The following STRN variants were observed in gnomAD, a reference collection of about 807,000 sequenced individuals.
The protein encoded by STRN is protein phosphatase 2 regulatory subunit B'''alpha.
STRN carries 53 observed loss-of-function variants against 96.3 expected under a neutral mutation model. The observed-to-expected ratio is 0.55, with a 90% confidence interval of 0.44 to 0.69. STRN has a LOEUF of 0.69. STRN is among the 30% of genes least tolerant of loss of function. The probability of loss-of-function intolerance (pLI) is 0.00; values close to 1 mark genes in which losing one functional copy is unlikely to be tolerated. For missense variants in STRN, 987 were observed against 963.9 expected (o/e 1.02, Z -0.32); for synonymous variants, 428 against 355.9 (o/e 1.20, Z -2.28).
chr2:36,866,552 G>C lies in STRN; in HGVS notation c.1547+1262C>G, dbSNP rs1668631749. Among the ~76,000 whole-genome samples the C allele has an allele frequency of 2.6e-5, 4 of 152,082 alleles. No individual in the cohort carries two copies. The South Asian group carries it at 8.3e-4, about 32-fold the overall frequency. On this transcript the variant is annotated intron_variant, in intron 12 of 17. Coordinates refer to ENST00000263918, the MANE Select transcript of STRN (RefSeq NM_003162.4). ...GGAGAGTTCTGTAGATACATGTTAG[G>C]TCCATTTGGTCAAGCATCAAGTTCA...
chr2:36,857,707 G>A (rs1194887567), intron 14 of STRN, 149 bp downstream of exon 14: 1 of 631,592 alleles, frequency 1.6e-6, no homozygotes, highest in Admixed American at 3.3e-5. Context: ...ATTATATATA[G>A]GTTGGAAATT....
chr2:36,861,657 C>T (rs1271018944), intron 12 of STRN, among the ~76,000 whole-genome samples: 1 of 152,062 alleles, frequency 6.6e-6, no homozygotes. Context: ...ATGCCAATCT[C>T]TGTGCTAAAT....
At chr2:36,859,499 T>C (rs1197645290) in intron 13 of STRN, among the ~76,000 whole-genome samples, 1 of 152,060 alleles carries the variant, frequency 6.6e-6, no homozygotes, top group Non-Finnish European at 1.5e-5. Context: ...AAAAAGAATA[T>C]ACGAGAGAAG....
rs1026155476 is a variant in STRN at position 36,849,071 on chromosome 2, G to A, written c.*385C>T. 1.8e-5 allele frequency: 3 copies of A among 169,062 alleles called. No individual in the cohort carries two copies. Among genetic ancestry groups the A allele is most frequent in the Admixed American group, 5.7e-5 (1 of 17,570 alleles). 10.5% of individuals were successfully genotyped at this position (169,062 alleles called of 1,614,324 possible). ...GGGGAGAACTTGGTCTAAGTTTCCC[G>A]TTTTCTTCTATTCAGTCCCAGCTAT... is the stretch of plus-strand genomic sequence containing the variant. On this transcript the variant is annotated 3_prime_UTR_variant, in exon 18 of 18. Transcript: ENST00000263918.
intron 1 of STRN, among the ~76,000 whole-genome samples, chr2:36,951,888 C>T (rs1007144701): frequency 1.3e-5 from 2 of 152,212 alleles, no homozygotes; most frequent in African/African-American, 2.4e-5. Context: ...CAGCATTACC[C>T]GCTGAGCTCC....
At chr2:36,950,971 A>G (rs1049650109) in intron 1 of STRN, among the ~76,000 whole-genome samples, 10 of 152,334 alleles carry the variant, frequency 6.6e-5, no homozygotes, top group African/African-American at 2.2e-4. Flanking sequence ...TTTAAATATC[A>G]TAAGATATTG....
At chr2:36,918,474 G>C (rs1244512606) in intron 2 of STRN, among the ~76,000 whole-genome samples, 3 of 151,622 alleles carry the variant, frequency 2.0e-5, no homozygotes, top group Non-Finnish European at 2.9e-5. Flanking sequence ...ATATATAAAA[G>C]AAAAACATTT....
intron 1 of STRN, among the ~76,000 whole-genome samples, chr2:36,926,666 T>C (rs1670418889): frequency 6.6e-6 from 1 of 152,172 alleles, no homozygotes; most frequent in Non-Finnish European, 1.5e-5. Context: ...GTAGGTAGTT[T>C]GTTAGGCTTT....
chr2:36,879,988 A>G (rs1254246846), intron 9 of STRN, among the ~76,000 whole-genome samples: 1 of 151,332 alleles, frequency 6.6e-6, no homozygotes, highest in East Asian at 1.9e-4. Context: ...AAAATCTGAG[A>G]CGGGGTCTCA....
At chr2:36,861,096 A>T (rs776250348) in intron 13 of STRN, 36 bp downstream of exon 13, 4 of 1,601,008 alleles carry the variant, frequency 2.5e-6, no homozygotes, top group Non-Finnish European at 3.4e-6. Context: ...TTAAAAAACC[A>T]ATTTTATTCC....
rs1425864525 is a variant in STRN, at chr2:36,843,624, A to C, written c.*5832T>G. ...ATCAGTAATTAAGACTGGTTCATTA[A>C]TTTTGGACTCATGTATACTTTGTCT... On this transcript the variant is annotated 3_prime_UTR_variant, in exon 18 of 18. Coordinates refer to ENST00000263918, the MANE Select transcript of STRN (RefSeq NM_003162.4). The C allele has an allele frequency of 6.6e-6, 1 of 151,980 alleles. No homozygotes were observed. The highest frequency in any genetic ancestry group is 1.5e-5 in the Non-Finnish European group (1 of 67,986). The allele number at this position is 151,980 out of a possible 1,614,324, so 9.4% of individuals were successfully genotyped here. A position where few individuals can be genotyped will look rare whatever the true frequency, so the allele number is the denominator to read the frequency against.
Position 36,864,598 on chromosome 2 carries a change from A to T in STRN, c.1547+3216T>A, listed in dbSNP as rs150490325. On this transcript the variant is annotated intron_variant, in intron 12 of 17. Transcript: ENST00000263918. ...ATTTTTGCATCTATGTTCATCAAGG[A>T]TATTGGCCTGAAGTTTTCCTTTCTG... is the stretch of plus-strand genomic sequence containing the variant. Among the ~76,000 whole-genome samples, 88 of 152,264 alleles carry T rather than the reference A, an allele frequency of 5.8e-4. 1 individual carries two copies. The East Asian group carries it at 8.7e-3, about 15-fold the overall frequency.
rs140583351 is a variant in STRN at position 36,903,758 on chromosome 2, G to T, written c.492-1007C>A. Among the ~76,000 whole-genome samples the T allele has an allele frequency of 5.9e-5, 9 of 152,262 alleles. No individual in the cohort carries two copies. In the East Asian group the frequency reaches 1.7e-3, roughly 29 times the overall value. ...TAAGTGTATCTTACCAAATCAAGAT[G>T]CTCATTTTTCAATCCCATCCAATAT... On this transcript the variant is annotated intron_variant, in intron 4 of 17. Coordinates refer to ENST00000263918, the MANE Select transcript of STRN (RefSeq NM_003162.4).
At chr2:36,881,420 ACTGCACC>A (rs1443395809) in intron 9 of STRN, among the ~76,000 whole-genome samples, 4 of 151,994 alleles carry the variant, frequency 2.6e-5, no homozygotes, top group East Asian at 1.9e-4. Flanking sequence ...GAGCAACTAA[ACTGCACC>A]CGGCCCTGCC....
chr2:36,853,048 T>C (rs1668259100), intron 15 of STRN, among the ~76,000 whole-genome samples: 1 of 152,080 alleles, frequency 6.6e-6, no homozygotes, highest in African/African-American at 2.4e-5. Flanking sequence ...TCCCAGCTAC[T>C]TGGGAGGCTG....
At chr2:36,942,703 T>C (rs1019914822) in intron 1 of STRN, among the ~76,000 whole-genome samples, 2 of 151,904 alleles carry the variant, frequency 1.3e-5, no homozygotes, top group African/African-American at 4.9e-5. Context: ...CATCAATTTT[T>C]CTTTTTTTTT....
In STRN at chr2:36,884,063, G is replaced by A; in HGVS notation, c.1055C>T (p.Ser352Leu). ...ATTAGCAAGCATATCTTGTAGTTTT[G>A]ACCTATTGGGCCCTAGCCAAAAAAA... ...GKKGVKRPNRSKLQDMLANLR... is the reference protein window; with the variant it reads ...GKKGVKRPNRLKLQDMLANLR... The change falls in exon 9 of 18, where the codon TCA becomes TTA. Residue 352 changes from serine to leucine, a missense_variant. Ser to Leu is a moderately radical substitution (Grantham distance 145). Transcript: ENST00000263918. 1 of 1,363,940 alleles carries A rather than the reference G, an allele frequency of 7.3e-7. No homozygotes were observed. Among genetic ancestry groups the A allele is most frequent in the Non-Finnish European group, 9.5e-7 (1 of 1,049,674 alleles). The allele number at this position is 1,363,940 out of a possible 1,614,324, so 84.5% of individuals were successfully genotyped here.
At chr2:36,863,254 G>A (rs1668539616) in intron 12 of STRN, among the ~76,000 whole-genome samples, 1 of 151,734 alleles carries the variant, frequency 6.6e-6, no homozygotes, top group Non-Finnish European at 1.5e-5. Flanking sequence ...TCTTTGCCAG[G>A]GCATATGTCT....
intron 12 of STRN, among the ~76,000 whole-genome samples, chr2:36,862,766 G>C (rs1483183146): frequency 1.3e-5 from 2 of 149,906 alleles, no homozygotes; most frequent in East Asian, 3.9e-4. Context: ...ATGGAGTCTC[G>C]CTCTGTCACC....
Sources: allele counts gnomAD v4.1 joint callset (sites outside exome capture counted in the v4.1 genomes callset), GRCh38; gene constraint gnomAD v4.1.1; transcripts MANE v1.5; gene names NCBI Gene and HGNC (gene_info 2026-07-23, HGNC 2026-07-21).